The following RBP5 variants were observed in gnomAD, a reference collection of about 807,000 sequenced individuals.
RBP5 encodes the protein retinol-binding protein 5.
A neutral mutation model predicts 17.8 loss-of-function variants in RBP5; 12 were observed. That is an observed-to-expected ratio of 0.67 (90% CI 0.43 to 1.09). The LOEUF is 1.09. Ranked by LOEUF, RBP5 falls within the 50% of genes least tolerant of loss-of-function variation. RBP5 has a pLI of 0.00. For synonymous variants in RBP5, 64 were observed against 68.1 expected, an observed-to-expected ratio of 0.94 and a Z score of 0.30; for missense variants, 172 against 169.4, an observed-to-expected ratio of 1.02 and a Z score of -0.09.
chr12:7,127,490 CT>C (rs1939191962), intron 2 of RBP5: 1 of 593,088 alleles, frequency 1.7e-6, no homozygotes, highest in Non-Finnish European at 3.0e-6. Flanking sequence ...AATGTACATG[CT>C]CTGTAAATAG....
rs781074233 is a variant in RBP5, at chr12:7,124,635, C to T, written c.348G>A (p.Leu116=). The T allele has an allele frequency of 2.1e-6, 3 of 1,449,742 alleles. No individual in the cohort carries two copies. Among genetic ancestry groups the T allele is most frequent in the Admixed American group, 3.4e-5 (2 of 59,682 alleles). 89.8% of individuals were successfully genotyped at this position (1,449,742 alleles called of 1,614,324 possible). Residue 116 remains leucine (L), a synonymous_variant, in exon 3 of 4, where the codon CTG becomes CTA. Transcript: ENST00000266560. The surrounding 1 kb of genome is among the most constrained non-coding windows in gnomAD (Gnocchi z 5.3). ...GWRHWLEGEM[L]YLELTARDAV... Reference sequence around the variant, plus strand: ...CAGCCCCCACCCCATTTACCAGATACAGCATCTCTCCCTCCAGCCAGTGTC... The same window carrying T: ...CAGCCCCCACCCCATTTACCAGATATAGCATCTCTCCCTCCAGCCAGTGTC...
In RBP5 at chr12:7,124,253, C is replaced by T; in HGVS notation, c.355-79G>A. 2 of 1,218,610 alleles carry T rather than the reference C, an allele frequency of 1.6e-6. No homozygotes were observed. Among genetic ancestry groups the T allele is most frequent in the Non-Finnish European group, 2.4e-6 (2 of 824,966 alleles). 75.5% of individuals were successfully genotyped at this position (1,218,610 alleles called of 1,614,324 possible). A position where few individuals can be genotyped will look rare whatever the true frequency, so the allele number is the denominator to read the frequency against. ...GAGCCCCTTTCTCAAGGTCCTTGACCTCCATTTACTCCTTCCGGATACAGC... is the reference window on the plus strand; with the variant it reads ...GAGCCCCTTTCTCAAGGTCCTTGACTTCCATTTACTCCTTCCGGATACAGC... On this transcript the variant is annotated intron_variant, in intron 3 of 3. Coordinates refer to ENST00000266560, the MANE Select transcript of RBP5 (RefSeq NM_031491.4). This position sits in a 1 kb window ranked among gnomAD's most constrained non-coding sequence, Gnocchi z 5.3.
In RBP5 at chr12:7,124,286, G is replaced by C; in HGVS notation, c.355-112C>G. 1 of 907,900 alleles carries C rather than the reference G, an allele frequency of 1.1e-6. No individual in the cohort carries two copies. The highest frequency in any genetic ancestry group is 1.6e-5 in the African/African-American group (1 of 60,730). 56.2% of individuals were successfully genotyped at this position (907,900 alleles called of 1,614,324 possible). Reference sequence around the variant, plus strand: ...ACTCCTTCCGGATACAGCAGCTTGAGTGTTTGATGTATGGGCAATTGTATC... The same window carrying C: ...ACTCCTTCCGGATACAGCAGCTTGACTGTTTGATGTATGGGCAATTGTATC... On this transcript the variant is annotated intron_variant, in intron 3 of 3. Transcript: ENST00000266560. This position sits in a 1 kb window ranked among gnomAD's most constrained non-coding sequence, Gnocchi z 5.3.
rs1011263733 is a variant in RBP5 at position 7,123,710 on chromosome 12, T to G, written c.*411A>C. ...CTGCCAGTAGCCCCTGTTTAAACTC[T>G]TGAACCCCAGTCACAGTTTTCCAGA... On this transcript the variant is annotated 3_prime_UTR_variant, in exon 4 of 4. Transcript: ENST00000266560. 4 of 170,266 alleles carry G rather than the reference T, an allele frequency of 2.3e-5. No homozygotes were observed. Among genetic ancestry groups the G allele is most frequent in the African/African-American group, 9.5e-5 (4 of 42,150 alleles). 10.5% of individuals were successfully genotyped at this position (170,266 alleles called of 1,614,324 possible).
At position 7,124,181 on chromosome 12, in the gene RBP5, A is replaced by G; in HGVS notation, c.355-7T>C. On this transcript the variant is annotated splice_region_variant and splice_polypyrimidine_tract_variant and intron_variant, in intron 3 of 3. Transcript: ENST00000266560. This position sits in a 1 kb window ranked among gnomAD's most constrained non-coding sequence, Gnocchi z 5.3. ...CATCCCTTGCAGTCAGTTCCTGGGGAGAGAGGGGAAGTGAGGGGGAGAGAG... is the reference window on the plus strand; with the variant it reads ...CATCCCTTGCAGTCAGTTCCTGGGGGGAGAGGGGAAGTGAGGGGGAGAGAG... 6.2e-7 allele frequency: 1 copy of G among 1,613,758 alleles called. No individual in the cohort carries two copies.
chr12:7,124,686 T>C lies in RBP5; in HGVS notation c.297A>G (p.Lys99=). Reference sequence around the variant, plus strand: ...TCCAGCCCCGGTTGGGGACCTCCCCTTTCTGCACACACACCAGGTGCTCCT... The same window carrying C: ...TCCAGCCCCGGTTGGGGACCTCCCCCTTCTGCACACACACCAGGTGCTCCT... The part of the protein sequence containing the change: ...WEEEHLVCVQ[K]GEVPNRGWRH... The change falls in exon 3 of 4, where the codon AAA becomes AAG. Residue 99 remains lysine, a synonymous_variant. Coordinates refer to ENST00000266560, the MANE Select transcript of RBP5 (RefSeq NM_031491.4). The surrounding 1 kb of genome is among the most constrained non-coding windows in gnomAD (Gnocchi z 5.3). 1 of 1,578,484 alleles carries C rather than the reference T, an allele frequency of 6.3e-7. No homozygotes were observed.
Position 7,128,019 on chromosome 12 carries a change from G to C in RBP5, c.252+221C>G, listed in dbSNP as rs767377610. ...TGGCCTGTTCTTTGCCCTTTGGGCT[G>C]GTGATAAGAGGGGGCAGGGAAGAAG... On this transcript the variant is annotated intron_variant, in intron 2 of 3. Coordinates refer to ENST00000266560, the MANE Select transcript of RBP5 (RefSeq NM_031491.4). This position sits in a 1 kb window ranked among gnomAD's most constrained non-coding sequence, Gnocchi z 5.3. 6.6e-5 allele frequency among the ~76,000 whole-genome samples: 10 copies of C among 152,342 alleles called. No homozygotes were observed. In the South Asian group the frequency reaches 2.1e-3, roughly 32 times the overall value.
At position 7,124,270 on chromosome 12, in the gene RBP5, G is replaced by A. The variant is rs773539208; in HGVS notation, c.355-96C>T. The A allele has an allele frequency of 4.8e-5, 51 of 1,056,094 alleles. No individual in the cohort carries two copies. Among genetic ancestry groups the A allele is most frequent in the South Asian group, 3.6e-4 (28 of 77,228 alleles). 65.4% of individuals were successfully genotyped at this position (1,056,094 alleles called of 1,614,324 possible). ...TCCTTGACCTCCATTTACTCCTTCC[G>A]GATACAGCAGCTTGAGTGTTTGATG... On this transcript the variant is annotated intron_variant, in intron 3 of 3. Coordinates refer to ENST00000266560, the MANE Select transcript of RBP5 (RefSeq NM_031491.4). The surrounding 1 kb of genome is among the most constrained non-coding windows in gnomAD (Gnocchi z 5.3).
At chr12:7,118,768 T>C (rs1939039183), downstream of RBP5, 1 of 152,224 alleles carries the variant, frequency 6.6e-6, no homozygotes, top group African/African-American at 2.4e-5. Flanking sequence ...TCTGCTGGTG[T>C]AGAAAGGCGA....
At chr12:7,123,069 C>A (rs1327274550), downstream of RBP5, among the ~76,000 whole-genome samples, 1 of 152,132 alleles carries the variant, frequency 6.6e-6, no homozygotes, top group East Asian at 1.9e-4. Flanking sequence ...CCCACCCTCA[C>A]ATTGAGCCCT....
intron 2 of RBP5, among the ~76,000 whole-genome samples, chr12:7,125,889 ATGTT>A (rs1369773806): frequency 3.9e-5 from 6 of 152,146 alleles, no homozygotes; most frequent in African/African-American, 1.4e-4. Flanking sequence ...GATCACATTT[ATGTT>A]TTAAGTAGAC....
chr12:7,128,173 G>A lies in RBP5; in HGVS notation c.252+67C>T. ...TGGCTGGGGAAGGTCACTTTGTTTTGCCCCATGTTGTTAGGAGTCTCCTGT... is the reference window on the plus strand; with the variant it reads ...TGGCTGGGGAAGGTCACTTTGTTTTACCCCATGTTGTTAGGAGTCTCCTGT... On this transcript the variant is annotated intron_variant, in intron 2 of 3. Coordinates refer to ENST00000266560, the MANE Select transcript of RBP5 (RefSeq NM_031491.4). The surrounding 1 kb of genome is among the most constrained non-coding windows in gnomAD (Gnocchi z 5.3). 2.1e-6 allele frequency: 3 copies of A among 1,434,882 alleles called. No individual in the cohort carries two copies. Among genetic ancestry groups the A allele is most frequent in the Non-Finnish European group, 2.9e-6 (3 of 1,052,060 alleles). The allele number at this position is 1,434,882 out of a possible 1,614,324, so 88.9% of individuals were successfully genotyped here. A position where few individuals can be genotyped will look rare whatever the true frequency, so the allele number is the denominator to read the frequency against.
chr12:7,123,821 AG>A lies in RBP5; in HGVS notation c.*299del, dbSNP rs748352594. ...AAGGAAAAGAAGAGGTCAAATGGAC[AG>A]GAGAGAGCGGAGATTGGTTGTTCTC... On this transcript the variant is annotated 3_prime_UTR_variant, in exon 4 of 4. Coordinates refer to ENST00000266560, the MANE Select transcript of RBP5 (RefSeq NM_031491.4). 2.7e-6 allele frequency: 1 copy of A among 370,944 alleles called. No homozygotes were observed. Among genetic ancestry groups the A allele is most frequent in the Non-Finnish European group, 5.0e-6 (1 of 201,516 alleles). 23.0% of individuals were successfully genotyped at this position (370,944 alleles called of 1,614,324 possible).
rs765565346 is a variant in RBP5 at position 7,124,200 on chromosome 12, G to A, written c.355-26C>T. The A allele has an allele frequency of 5.0e-6, 8 of 1,612,146 alleles. No individual in the cohort carries two copies. The East Asian group carries it at 1.6e-4, about 31-fold the overall frequency. On this transcript the variant is annotated intron_variant, in intron 3 of 3. Coordinates refer to ENST00000266560, the MANE Select transcript of RBP5 (RefSeq NM_031491.4). The surrounding 1 kb of genome is among the most constrained non-coding windows in gnomAD (Gnocchi z 5.3). ...CTGGGGAGAGAGGGGAAGTGAGGGG[G>A]AGAGAGAAAGAGGGCGTTTGCCAGC...
At chr12:7,119,956 G>T (rs1309636518), downstream of RBP5, among the ~76,000 whole-genome samples, 1 of 152,190 alleles carries the variant, frequency 6.6e-6, no homozygotes, top group Non-Finnish European at 1.5e-5. Context: ...GGTTCCTCTA[G>T]AGCCTCTGAG....
At position 7,128,811 on chromosome 12, in the gene RBP5, A is replaced by G; in HGVS notation, c.-36T>C. On this transcript the variant is annotated 5_prime_UTR_variant, in exon 1 of 4. Coordinates refer to ENST00000266560, the MANE Select transcript of RBP5 (RefSeq NM_031491.4). The surrounding 1 kb of genome is among the most constrained non-coding windows in gnomAD (Gnocchi z 5.3). The stretch of plus-strand genomic sequence containing the variant: ...AAGGTTTCAGGAGAATGCAGGAGAC[A>G]GGGTGAGGAAGGAGGGGGTGTTGTC... The G allele has an allele frequency of 6.6e-7, 1 of 1,511,584 alleles. No individual in the cohort carries two copies. 93.6% of individuals were successfully genotyped at this position (1,511,584 alleles called of 1,614,324 possible).
downstream of RBP5, chr12:7,119,033 G>T (rs1939043464): frequency 6.5e-6 from 1 of 152,702 alleles, no homozygotes. Context: ...CAGGGTGAGG[G>T]CGCTGGTTCC....
At chr12:7,120,096 G>A (rs1451853287), downstream of RBP5, among the ~76,000 whole-genome samples, 1 of 152,052 alleles carries the variant, frequency 6.6e-6, no homozygotes, top group African/African-American at 2.4e-5. Context: ...GTAAAGTGAG[G>A]GCAGAGGGAA....
In RBP5 at chr12:7,128,450, C is replaced by G; in HGVS notation, c.74-32G>C. ...GGGCTGCCTGTTAGTAGGGGTGCTG[C>G]TAGCCAGCCAGGAGCTCCTCTGCCT... On this transcript the variant is annotated intron_variant, in intron 1 of 3. Transcript: ENST00000266560. This position sits in a 1 kb window ranked among gnomAD's most constrained non-coding sequence, Gnocchi z 5.3. 1.1e-5 allele frequency: 17 copies of G among 1,609,368 alleles called. No homozygotes were observed. Among genetic ancestry groups the G allele is most frequent in the Non-Finnish European group, 1.4e-5 (17 of 1,176,888 alleles).
Sources: gnomAD v4.1 joint callset for allele counts (sites outside exome capture counted in the v4.1 genomes callset) on GRCh38, gnomAD v4.1.1 for gene constraint, Gnocchi (gnomAD v3.1) non-coding constraint, MANE v1.5 for transcripts, NCBI Gene and HGNC (gene_info 2026-07-23, HGNC 2026-07-21) for gene names.